ESRRG: variants seen among roughly 807,000 people sequenced by gnomAD.
ESRRG encodes the protein estrogen related receptor gamma.
Under a neutral mutation model 44.0 loss-of-function variants are expected in ESRRG, and 13 were observed. That is an observed-to-expected ratio of 0.30 (90% CI 0.19 to 0.47). The LOEUF (loss-of-function observed/expected upper bound fraction) is 0.47. Ranked by LOEUF, ESRRG falls within the 20% of genes least tolerant of loss-of-function variation. The pLI, the probability that ESRRG is intolerant of heterozygous loss-of-function variation, is 1.00. For synonymous variants in ESRRG, 215 were observed against 214.6 expected, an observed-to-expected ratio of 1.00 and a Z score of -0.02; for missense variants, 395 against 580.6, an observed-to-expected ratio of 0.68 and a Z score of 3.29.
chr1:216,583,534 C>T (rs892010661), intron 3 of ESRRG, among the ~76,000 whole-genome samples: 1 of 152,206 alleles, frequency 6.6e-6, no homozygotes, highest in South Asian at 2.1e-4. Flanking sequence ...CATGAGGCAT[C>T]CCCTCCCTCT....
At chr1:216,706,157 T>C (rs2082399353) in intron 1 of ESRRG, among the ~76,000 whole-genome samples, 1 of 151,908 alleles carries the variant, frequency 6.6e-6, no homozygotes, top group Non-Finnish European at 1.5e-5. Context: ...TCTGGCACTA[T>C]ACATGACGAA....
At chr1:216,880,331 A>AAAAAAAAAAAAAAAAAAAAAAC (rs2096426024) in intron 2 of ESRRG, among the ~76,000 whole-genome samples, 1 of 150,276 alleles carries the variant, frequency 6.7e-6, no homozygotes, top group Non-Finnish European at 1.5e-5. Context: ...AAAAAAAAAA[A>AAAAAAAAAAAAAAAAAAAAAAC]AAAGTTTTCA....
At chr1:217,024,330 C>G (rs1032078184) in intron 1 of ESRRG, among the ~76,000 whole-genome samples, 18 of 151,126 alleles carry the variant, frequency 1.2e-4, no homozygotes, top group Admixed American at 1.2e-3. Context: ...TGCACTCCAG[C>G]CTGAGCGACA....
intron 1 of ESRRG, among the ~76,000 whole-genome samples, chr1:216,944,013 CT>C (rs150922600): frequency 6.6e-6 from 1 of 152,108 alleles, no homozygotes; most frequent in African/African-American, 2.4e-5. Flanking sequence ...TGTGATGCAT[CT>C]TTTGAAAAGA....
chr1:216,727,164 A>G (rs1223867675), upstream of ESRRG, among the ~76,000 whole-genome samples: 4 of 152,196 alleles, frequency 2.6e-5, no homozygotes, highest in Admixed American at 1.3e-4. Flanking sequence ...ATCATTTACT[A>G]AATATGTAAA....
At chr1:217,104,735 G>T (rs1252167903) in intron 1 of ESRRG, among the ~76,000 whole-genome samples, 1 of 152,198 alleles carries the variant, frequency 6.6e-6, no homozygotes, top group East Asian at 1.9e-4. Flanking sequence ...TAAGTAAAAA[G>T]AGGGGGAAAG....
chr1:217,052,455 T>A (rs2086236242), intron 1 of ESRRG, among the ~76,000 whole-genome samples: 1 of 152,200 alleles, frequency 6.6e-6, no homozygotes, highest in Non-Finnish European at 1.5e-5. Context: ...TCCACGTGAA[T>A]TATTTGTTAC....
At chr1:216,864,752 G>C (rs2096119264) in intron 2 of ESRRG, 1 of 152,170 alleles carries the variant, frequency 6.6e-6, no homozygotes. Context: ...GGAGGCATCT[G>C]GGGCTGTTCA....
chr1:216,820,014 T>G (rs1004435479), intron 2 of ESRRG, among the ~76,000 whole-genome samples: 3 of 152,140 alleles, frequency 2.0e-5, no homozygotes, highest in African/African-American at 7.2e-5. Flanking sequence ...AGAAGAAGCG[T>G]TCATCATTCC....
chr1:216,956,635 C>G (rs913582681), intron 1 of ESRRG, among the ~76,000 whole-genome samples: 1 of 152,080 alleles, frequency 6.6e-6, no homozygotes, highest in Non-Finnish European at 1.5e-5. Context: ...AAATTTGAAT[C>G]TCTTAAAATG....
intron 3 of ESRRG, 103 bp from the exon 4 acceptor site, chr1:216,568,201 T>A: frequency 1.2e-6 from 1 of 816,096 alleles, no homozygotes; most frequent in Non-Finnish European, 2.1e-6. Flanking sequence ...TGACAAACAG[T>A]AGAATGCAGA....
At chr1:216,773,379 C>T (rs1202755033) in intron 2 of ESRRG, among the ~76,000 whole-genome samples, 1 of 152,102 alleles carries the variant, frequency 6.6e-6, no homozygotes, top group Non-Finnish European at 1.5e-5. Flanking sequence ...TTCTTTACTT[C>T]ATGGACTGCC....
intron 1 of ESRRG, among the ~76,000 whole-genome samples, chr1:216,702,776 C>CAAAAAAAAAAAAA (rs5780911): frequency 1.1e-5 from 1 of 95,192 alleles, no homozygotes; most frequent in Non-Finnish European, 2.1e-5. Context: ...GACTCTGCCT[C>CAAAAAAAAAAAAA]AAAAAAAAAA....
intron 1 of ESRRG, 144 bp from the exon 2 acceptor site, chr1:216,677,635 T>A: frequency 1.4e-6 from 1 of 697,586 alleles, no homozygotes; most frequent in Non-Finnish European, 2.4e-6. Flanking sequence ...AGAATTCATA[T>A]GTTAAAGACA....
At chr1:216,985,998 G>A (rs995992652) in intron 1 of ESRRG, among the ~76,000 whole-genome samples, 3 of 152,164 alleles carry the variant, frequency 2.0e-5, no homozygotes, top group African/African-American at 7.2e-5. Flanking sequence ...CAAAGCTAAA[G>A]GAGTCTAATC....
intron 5 of ESRRG, among the ~76,000 whole-genome samples, chr1:216,550,816 T>C (rs1443516911): frequency 1.3e-5 from 2 of 152,188 alleles, no homozygotes; most frequent in African/African-American, 2.4e-5. Flanking sequence ...ATAAAGAGAC[T>C]CCATTTCTGA....
intron 2 of ESRRG, among the ~76,000 whole-genome samples, chr1:216,793,888 C>T (rs2094398906): frequency 6.6e-6 from 1 of 151,926 alleles, no homozygotes; most frequent in South Asian, 2.1e-4. Flanking sequence ...GAATGATCCT[C>T]TCCTTCCTGT....
chr1:216,894,106 G>GATTTT (rs1478505052), intron 2 of ESRRG, among the ~76,000 whole-genome samples: 1 of 152,098 alleles, frequency 6.6e-6, no homozygotes, highest in Non-Finnish European at 1.5e-5. Flanking sequence ...TTATACTGTG[G>GATTTT]ATTTTTCTCA....
At chr1:216,709,645 A>T (rs1438863319) in intron 1 of ESRRG, among the ~76,000 whole-genome samples, 2 of 151,836 alleles carry the variant, frequency 1.3e-5, no homozygotes, top group East Asian at 3.9e-4. Context: ...CCCTTTATTA[A>T]CTATGATTTT....
Sources: gnomAD v4.1 joint callset for allele counts (sites outside exome capture counted in the v4.1 genomes callset) on GRCh38, gnomAD v4.1.1 for gene constraint, MANE v1.5 for transcripts, NCBI Gene and HGNC (gene_info 2026-07-23, HGNC 2026-07-21) for gene names.